FSTL4: variants seen among roughly 807,000 people sequenced by gnomAD.
FSTL4 encodes follistatin like 4.
A neutral mutation model predicts 78.2 loss-of-function variants in FSTL4; 28 were observed. That is an observed-to-expected ratio of 0.36 (90% CI 0.27 to 0.49). The LOEUF (loss-of-function observed/expected upper bound fraction) is 0.49, where lower values mean the gene tolerates loss of function less well. Ranked by LOEUF, FSTL4 falls within the 20% of genes least tolerant of loss-of-function variation. The pLI is 0.98. For synonymous variants in FSTL4, 422 were observed against 440.5 expected (o/e 0.96, Z 0.53); for missense variants, 922 against 1,084.9 (o/e 0.85, Z 2.11).
chr5:133,307,221 G>A (rs534211419), intron 6 of FSTL4, among the ~76,000 whole-genome samples: 2 of 152,276 alleles, frequency 1.3e-5, no homozygotes, highest in South Asian at 2.1e-4. Flanking sequence ...CCAGGGCTGT[G>A]GGCACACAGA....
At chr5:133,649,664 T>C in the FSTL4 span, among the ~76,000 whole-genome samples, 18,342 of 152,232 alleles carry the variant, frequency 0.12, 1,204 homozygotes, top group Admixed American at 0.23. Context: ...TTTGGTGAGA[T>C]GCCTGTTAAG....
At chr5:133,419,898 T>C (rs1756657727) in intron 3 of FSTL4, among the ~76,000 whole-genome samples, 1 of 152,236 alleles carries the variant, frequency 6.6e-6, no homozygotes, top group Admixed American at 6.5e-5. Context: ...TATTTGCCAC[T>C]CATAGGTATA....
the FSTL4 span, among the ~76,000 whole-genome samples, chr5:133,656,413 C>A: frequency 1.3e-5 from 2 of 152,142 alleles, no homozygotes; most frequent in Admixed American, 1.3e-4. Context: ...TATGACCTGC[C>A]ATTTGCACAG....
chr5:133,268,886 G>A (rs1581582355), intron 6 of FSTL4, among the ~76,000 whole-genome samples: 1 of 152,262 alleles, frequency 6.6e-6, no homozygotes, highest in Middle Eastern at 3.4e-3. Flanking sequence ...AATAGAATTT[G>A]AAAGAGCCAG....
intron 4 of FSTL4, among the ~76,000 whole-genome samples, chr5:133,353,275 C>G (rs1291248435): frequency 6.6e-6 from 1 of 152,240 alleles, no homozygotes; most frequent in Non-Finnish European, 1.5e-5. Flanking sequence ...ATGCCATTCA[C>G]AGCCAAGCCA....
intron 3 of FSTL4, among the ~76,000 whole-genome samples, chr5:133,418,759 A>G (rs1159101571): frequency 6.6e-6 from 1 of 152,204 alleles, no homozygotes; most frequent in African/African-American, 2.4e-5. Context: ...TTGAAGTATA[A>G]TTGACAATTA....
the FSTL4 span, among the ~76,000 whole-genome samples, chr5:133,769,208 G>T: frequency 1.3e-5 from 2 of 152,266 alleles, no homozygotes; most frequent in Non-Finnish European, 2.9e-5. Context: ...TGTCTTTACT[G>T]CTCACCCAAG....
chr5:133,836,259 T>C, the FSTL4 span, among the ~76,000 whole-genome samples: 24 of 152,162 alleles, frequency 1.6e-4, no homozygotes, highest in Non-Finnish European at 2.5e-4. Context: ...CTTACCTCTT[T>C]TGGATCAAGT....
the FSTL4 span, among the ~76,000 whole-genome samples, chr5:133,670,160 T>A: frequency 1.3e-5 from 2 of 152,228 alleles, no homozygotes; most frequent in Non-Finnish European, 2.9e-5. Context: ...ACATAAATTG[T>A]GGATGTGCCT....
At chr5:133,801,001 C>T in the FSTL4 span, among the ~76,000 whole-genome samples, 1 of 152,082 alleles carries the variant, frequency 6.6e-6, no homozygotes, top group African/African-American at 2.4e-5. Context: ...GGCCCTGGCA[C>T]CCGGGGGTCC....
chr5:133,317,136 A>T (rs1432718784), intron 4 of FSTL4, among the ~76,000 whole-genome samples: 1 of 152,156 alleles, frequency 6.6e-6, no homozygotes, highest in Admixed American at 6.6e-5. Context: ...TGCTTATGTT[A>T]ATTAGGCACC....
chr5:133,354,042 C>G (rs1368017184), intron 4 of FSTL4, among the ~76,000 whole-genome samples: 1 of 152,202 alleles, frequency 6.6e-6, no homozygotes, highest in African/African-American at 2.4e-5. Flanking sequence ...TCAGGAGCTG[C>G]ATCCGGTCTT....
chr5:133,744,418 A>G, the FSTL4 span, among the ~76,000 whole-genome samples: 12 of 152,120 alleles, frequency 7.9e-5, no homozygotes, highest in Non-Finnish European at 1.6e-4. Flanking sequence ...AGGCTCTGTG[A>G]TTCCGTAGCC....
intron 7 of FSTL4, among the ~76,000 whole-genome samples, chr5:133,239,068 G>GC (rs541247620): frequency 1.3e-5 from 2 of 152,328 alleles, no homozygotes; most frequent in East Asian, 3.9e-4. Flanking sequence ...GGCTCGGCGG[G>GC]CCCCGCACTC....
At chr5:133,483,466 C>T (rs1758069679) in intron 3 of FSTL4, among the ~76,000 whole-genome samples, 1 of 152,192 alleles carries the variant, frequency 6.6e-6, no homozygotes, top group South Asian at 2.1e-4. Context: ...GATAAGCTGG[C>T]TGGGGCTCTG....
chr5:133,516,158 A>G (rs757516537), intron 3 of FSTL4, among the ~76,000 whole-genome samples: 5 of 152,220 alleles, frequency 3.3e-5, no homozygotes. Flanking sequence ...TTTTAGAATT[A>G]AGACAAAGAA....
the FSTL4 span, among the ~76,000 whole-genome samples, chr5:133,642,896 G>A: frequency 1.3e-5 from 2 of 152,174 alleles, no homozygotes; most frequent in Admixed American, 6.5e-5. Context: ...TTTGCTACTC[G>A]TCGAACTTGA....
intron 6 of FSTL4, among the ~76,000 whole-genome samples, chr5:133,263,313 G>A (rs555644911): frequency 1.2e-4 from 18 of 152,298 alleles, no homozygotes; most frequent in African/African-American, 4.3e-4. Context: ...TGATGCATAA[G>A]TAATACTTAG....
At chr5:133,409,288 A>G (rs75886704) in intron 3 of FSTL4, among the ~76,000 whole-genome samples, 2,632 of 152,226 alleles carry the variant, frequency 0.017, 74 homozygotes, top group African/African-American at 0.059. Context: ...AACCCTGGTG[A>G]CAGTTTCAAA....
Sources: gnomAD v4.1 joint callset for allele counts (sites outside exome capture counted in the v4.1 genomes callset) on GRCh38, gnomAD v4.1.1 for gene constraint, MANE v1.5 for transcripts, NCBI Gene and HGNC (gene_info 2026-07-23, HGNC 2026-07-21) for gene names.